Variants in SET observed in about 807,000 individuals in gnomAD.
SET encodes SET nuclear proto-oncogene.
SET carries 4 observed loss-of-function variants against 39.0 expected under a neutral mutation model. That is an observed-to-expected ratio of 0.10 (90% CI 0.05 to 0.23). The LOEUF (loss-of-function observed/expected upper bound fraction) is 0.23, where lower values mean the gene tolerates loss of function less well. Among genes scored for constraint, SET ranks in the 10% least tolerant of loss-of-function variants. The probability of loss-of-function intolerance (pLI) is 1.00; values close to 1 mark genes in which losing one functional copy is unlikely to be tolerated. For synonymous variants in SET, 114 were observed against 115.9 expected, an observed-to-expected ratio of 0.98 and a Z score of 0.11; for missense variants, 137 against 329.7, an observed-to-expected ratio of 0.42 and a Z score of 4.53.
At chr9:128,689,187 G>T, upstream of SET, 1 of 889,732 alleles carries the variant, frequency 1.1e-6, no homozygotes, top group Non-Finnish European at 1.4e-6. Flanking sequence ...CGGAGCATCC[G>T]CGCGGGGCCT....
intron 5 of SET, among the ~76,000 whole-genome samples, chr9:128,693,432 A>G (rs1316660043): frequency 6.6e-6 from 1 of 152,230 alleles, no homozygotes; most frequent in Non-Finnish European, 1.5e-5. Context: ...TAACAGTGGA[A>G]CTAATTTTAT....
chr9:128,692,978 A>G lies in SET; in HGVS notation c.489A>G (p.Gly163=). The change falls in exon 5 of 8, where the codon GGA becomes GGG. Residue 163 remains glycine (G), a synonymous_variant. Transcript: ENST00000322030. ...CCACCGAAATCAAATGGAAATCTGG[A>G]AAGGTATGTTTTGAGGAATTATTTG... The part of the protein sequence containing the change: ...SKSTEIKWKS[G]KDLTKRSSQT... 1 of 1,574,890 alleles carries G rather than the reference A, an allele frequency of 6.3e-7. No homozygotes were observed. Among genetic ancestry groups the G allele is most frequent in the South Asian group, 1.1e-5 (1 of 89,518 alleles).
At position 128,695,934 on chromosome 9, in the gene SET, C is replaced by T. The variant is rs564536883; in HGVS notation, c.*1270C>T. The stretch of plus-strand genomic sequence containing the variant: ...CTCTAATGCCAAGTTATACACGGGA[C>T]AGTTGCTGGCATGTCTTCATTGGCT... On this transcript the variant is annotated 3_prime_UTR_variant, in exon 8 of 8. Coordinates refer to ENST00000322030, the MANE Select transcript of SET (RefSeq NM_003011.4). 843 of 226,552 alleles carry T rather than the reference C, an allele frequency of 3.7e-3. No homozygotes were observed. Among genetic ancestry groups the T allele is most frequent in the Middle Eastern group, 0.011 (8 of 744 alleles). 14.0% of individuals were successfully genotyped at this position (226,552 alleles called of 1,614,324 possible). A position where few individuals can be genotyped will look rare whatever the true frequency, so the allele number is the denominator to read the frequency against.
At chr9:128,683,981 C>T in exon 1 of SET, 2 of 1,555,650 alleles carry the variant, frequency 1.3e-6, no homozygotes, top group Non-Finnish European at 1.7e-6. Flanking sequence ...GAGACATCGG[C>T]CTCTGCAGGC....
upstream of SET, chr9:128,685,095 G>A (rs1861240122): frequency 6.5e-7 from 1 of 1,547,320 alleles, no homozygotes; most frequent in African/African-American, 1.4e-5. Flanking sequence ...GAAGCACTGA[G>A]GAGGAGTCCT....
chr9:128,696,144 G>A lies in SET; in HGVS notation c.*1480G>A. The stretch of plus-strand genomic sequence containing the variant: ...CACCCTAATGCATAAGCTTTTTAAT[G>A]CTGTAAAATATAGTCGCTGAAATTA... On this transcript the variant is annotated 3_prime_UTR_variant, in exon 8 of 8. Coordinates refer to ENST00000322030, the MANE Select transcript of SET (RefSeq NM_003011.4). 1 of 216,930 alleles carries A rather than the reference G, an allele frequency of 4.6e-6. No homozygotes were observed. The highest frequency in any genetic ancestry group is 9.4e-6 in the Non-Finnish European group (1 of 106,366). 13.4% of individuals were successfully genotyped at this position (216,930 alleles called of 1,614,324 possible).
chr9:128,689,510 A>G lies in SET; in HGVS notation c.-73A>G, dbSNP rs2132243690. ...CGCCCGCGCGTGTGGCGTGAGGGGA[A>G]GCCGCTTGCCCGCCCCCTTCGCCTT... On this transcript the variant is annotated 5_prime_UTR_variant, in exon 1 of 8. Transcript: ENST00000322030. The G allele has an allele frequency of 8.2e-6, 6 of 734,116 alleles. No homozygotes were observed. Among genetic ancestry groups the G allele is most frequent in the Admixed American group, 4.4e-5 (1 of 22,904 alleles). 45.5% of individuals were successfully genotyped at this position (734,116 alleles called of 1,614,324 possible).
intron 1 of SET, chr9:128,684,077 C>A: frequency 7.9e-7 from 1 of 1,259,852 alleles, no homozygotes; most frequent in Admixed American, 2.1e-5. Context: ...GATTTTTACC[C>A]CCCAATCCCT....
At chr9:128,689,080 C>G (rs1015212428), upstream of SET, 1 of 166,916 alleles carries the variant, frequency 6.0e-6, no homozygotes, top group African/African-American at 2.4e-5. Context: ...CTTCCTCCCA[C>G]CTCTCGCCGG....
In SET at chr9:128,695,385, T is replaced by C. The variant is rs1257935182; in HGVS notation, c.*721T>C. 2.2e-5 allele frequency: 5 copies of C among 224,620 alleles called. No homozygotes were observed. The highest frequency in any genetic ancestry group is 1.1e-4 in the Admixed American group (2 of 17,514). The allele number at this position is 224,620 out of a possible 1,614,324, so 13.9% of individuals were successfully genotyped here. On this transcript the variant is annotated 3_prime_UTR_variant, in exon 8 of 8. Transcript: ENST00000322030. The stretch of plus-strand genomic sequence containing the variant: ...AATCAGCAGAACCTGTAGGATCTTA[T>C]TTGGAATTGACATTCTCTATTGTAA...
upstream of SET, among the ~76,000 whole-genome samples, chr9:128,688,967 C>T (rs1258982975): frequency 2.0e-5 from 3 of 151,642 alleles, no homozygotes; most frequent in African/African-American, 7.2e-5. Flanking sequence ...CGTGCGACGC[C>T]CCGCCCACCG....
At chr9:128,694,102 G>T in intron 7 of SET, 60 bp downstream of exon 7, 2 of 1,296,666 alleles carry the variant, frequency 1.5e-6, no homozygotes, top group South Asian at 1.5e-5. Flanking sequence ...TGTTATTTTG[G>T]GGTGTATATA....
intron 7 of SET, among the ~76,000 whole-genome samples, 199 bp downstream of exon 7, chr9:128,694,241 T>G (rs75240207): frequency 0.89 from 135,166 of 151,704 alleles, 61,854 homozygotes; most frequent in Non-Finnish European, 1. Context: ...TTTTTTTGGT[T>G]TTTTTTTGGG....
chr9:128,690,045 C>G lies in SET; in HGVS notation c.73+390C>G, dbSNP rs1159510478. The stretch of plus-strand genomic sequence containing the variant: ...CCACATGGTGCGGCCGGACGCGGCC[C>G]CGCGCCCGACCTCCCGCGCGGTTCC... On this transcript the variant is annotated intron_variant, in intron 1 of 7. Transcript: ENST00000322030. 3 of 986,858 alleles carry G rather than the reference C, an allele frequency of 3.0e-6. No homozygotes were observed. The African/African-American group carries it at 5.3e-5, about 17-fold the overall frequency. 61.1% of individuals were successfully genotyped at this position (986,858 alleles called of 1,614,324 possible).
chr9:128,683,965 C>T, exon 1 of SET: 2 of 1,557,128 alleles, frequency 1.3e-6, no homozygotes, highest in East Asian at 2.4e-5. Context: ...TGCTCTGGGA[C>T]CGGAGGAGAC....
At position 128,695,791 on chromosome 9, in the gene SET, A is replaced by G. The variant is rs1485717936; in HGVS notation, c.*1127A>G. ...ATCATTTGGGATACCAGATAGCTCA[A>G]TACTCTCTGAGTACATTGTGCCCTT... On this transcript the variant is annotated 3_prime_UTR_variant, in exon 8 of 8. Transcript: ENST00000322030. 39 of 227,942 alleles carry G rather than the reference A, an allele frequency of 1.7e-4. No individual in the cohort carries two copies. The highest frequency in any genetic ancestry group is 8.2e-4 in the African/African-American group (37 of 45,128). The allele number at this position is 227,942 out of a possible 1,614,324, so 14.1% of individuals were successfully genotyped here. A position where few individuals can be genotyped will look rare whatever the true frequency, so the allele number is the denominator to read the frequency against.
At position 128,694,792 on chromosome 9, in the gene SET, C is replaced by G. The variant is rs1198509162; in HGVS notation, c.*128C>G. 6.0e-6 allele frequency: 3 copies of G among 498,612 alleles called. No individual in the cohort carries two copies. In the South Asian group the frequency reaches 8.4e-5, roughly 14 times the overall value. The allele number at this position is 498,612 out of a possible 1,614,324, so 30.9% of individuals were successfully genotyped here. On this transcript the variant is annotated 3_prime_UTR_variant, in exon 8 of 8. Coordinates refer to ENST00000322030, the MANE Select transcript of SET (RefSeq NM_003011.4). Reference sequence around the variant, plus strand: ...TGCTCAGTCGCCCTGTTCTTGAGGTCTCTTTTCTCTACTCCATGGTTCTCA... The same window carrying G: ...TGCTCAGTCGCCCTGTTCTTGAGGTGTCTTTTCTCTACTCCATGGTTCTCA...
At position 128,689,290 on chromosome 9, in the gene SET, C is replaced by T. The variant is rs1217347752; in HGVS notation, c.-293C>T. 9.8e-7 allele frequency: 1 copy of T among 1,017,744 alleles called. No homozygotes were observed. Among genetic ancestry groups the T allele is most frequent in the Non-Finnish European group, 1.2e-6 (1 of 850,376 alleles). The allele number at this position is 1,017,744 out of a possible 1,614,324, so 63.0% of individuals were successfully genotyped here. A position where few individuals can be genotyped will look rare whatever the true frequency, so the allele number is the denominator to read the frequency against. ...GCGAGCAGCGAGCTGGCTGGATCGC[C>T]GAGCGCGAGTGAGGGAGCCGAGCCG... On this transcript the variant is annotated 5_prime_UTR_variant, in exon 1 of 8. Transcript: ENST00000322030.
At chr9:128,691,107 A>T (rs928770334) in intron 1 of SET, 63 bp from the exon 2 acceptor site, 170 of 1,283,060 alleles carry the variant, frequency 1.3e-4, no homozygotes, top group Non-Finnish European at 1.8e-4. Context: ...ATATTATAGT[A>T]TTAACATCTG....
Sources: allele counts gnomAD v4.1 joint callset (sites outside exome capture counted in the v4.1 genomes callset), GRCh38; gene constraint gnomAD v4.1.1; transcripts MANE v1.5; gene names NCBI Gene and HGNC (gene_info 2026-07-23, HGNC 2026-07-21).